CSMD1: variants seen among roughly 807,000 people sequenced by gnomAD.
The protein encoded by CSMD1 is CUB and sushi domain-containing protein 1.
A neutral mutation model predicts 417.5 loss-of-function variants in CSMD1; 213 were observed. The ratio of observed to expected loss-of-function variants is 0.51; its 90% CI spans 0.46 to 0.57. CSMD1 has a LOEUF of 0.57. CSMD1 is among the 20% of genes least tolerant of loss of function. CSMD1 has a pLI of 0.00. For synonymous variants in CSMD1, 2,862 were observed against 1,736.8 expected (o/e 1.65, Z -16.11); for missense variants, 6,923 against 4,529.7 (o/e 1.53, Z -15.17).
chr8:4,252,831 G>A (rs1256492877), intron 3 of CSMD1, among the ~76,000 whole-genome samples: 2 of 152,200 alleles, frequency 1.3e-5, no homozygotes, highest in African/African-American at 4.8e-5. Flanking sequence ...CACCAGTGAT[G>A]ACTGGAGTTG....
chr8:4,443,096 T>C (rs1440790384), intron 2 of CSMD1, among the ~76,000 whole-genome samples: 1 of 152,196 alleles, frequency 6.6e-6, no homozygotes, highest in African/African-American at 2.4e-5. Flanking sequence ...CTTTACTTTC[T>C]GAATATAAAA....
chr8:3,905,682 T>C (rs1030959011), intron 5 of CSMD1, among the ~76,000 whole-genome samples: 1 of 152,210 alleles, frequency 6.6e-6, no homozygotes, highest in Admixed American at 6.5e-5. Context: ...AACCACTCTT[T>C]GAGAACCACA....
At chr8:3,548,697 C>G (rs1163507092) in intron 10 of CSMD1, among the ~76,000 whole-genome samples, 3 of 150,456 alleles carry the variant, frequency 2.0e-5, no homozygotes, top group African/African-American at 7.3e-5. Flanking sequence ...CACACACACA[C>G]ACACCATGGT....
intron 3 of CSMD1, among the ~76,000 whole-genome samples, chr8:4,152,110 C>G (rs181105305): frequency 1.3e-5 from 2 of 151,974 alleles, no homozygotes; most frequent in Admixed American, 6.6e-5. Flanking sequence ...GGGTAATATA[C>G]AGGAAATTGT....
intron 42 of CSMD1, among the ~76,000 whole-genome samples, chr8:3,114,676 G>A (rs1816747342): frequency 6.6e-6 from 1 of 151,924 alleles, no homozygotes; most frequent in East Asian, 1.9e-4. Context: ...GTGAATGCAG[G>A]TAAGAAAAAT....
In CSMD1 at chr8:3,427,275, G is replaced by T. The variant is rs17066097; in HGVS notation, c.1562-17670C>A. Among the ~76,000 whole-genome samples, 4 of 152,136 alleles carry T rather than the reference G, an allele frequency of 2.6e-5. No individual in the cohort carries two copies. The South Asian group carries it at 8.3e-4, about 32-fold the overall frequency. ...ATTTTCAAGGCCAGCCTACTTCATC[G>T]CAAACCACAAAATGACACAAATAAA... On this transcript the variant is annotated intron_variant, in intron 12 of 69. Transcript: ENST00000635120.
intron 1 of CSMD1, among the ~76,000 whole-genome samples, chr8:4,760,742 G>A (rs938057174): frequency 6.6e-6 from 1 of 152,046 alleles, no homozygotes; most frequent in Non-Finnish European, 1.5e-5. Context: ...TAAGTTTGGG[G>A]AAAGTATTTT....
At chr8:3,045,716 T>C (rs1811391922) in intron 50 of CSMD1, among the ~76,000 whole-genome samples, 1 of 152,138 alleles carries the variant, frequency 6.6e-6, no homozygotes, top group Admixed American at 6.5e-5. Flanking sequence ...CTAGAAGCAA[T>C]ATATCCTAGA....
At chr8:3,715,422 C>T (rs1366592992) in intron 6 of CSMD1, among the ~76,000 whole-genome samples, 4 of 151,932 alleles carry the variant, frequency 2.6e-5, no homozygotes, top group African/African-American at 9.7e-5. Context: ...AATGTGGTTC[C>T]GTCATTTTTC....
intron 3 of CSMD1, among the ~76,000 whole-genome samples, chr8:4,060,827 G>C (rs969053145): frequency 1.1e-4 from 16 of 152,116 alleles, no homozygotes; most frequent in Non-Finnish European, 1.9e-4. Context: ...ACTAAAATCA[G>C]AAATGCATTA....
chr8:4,129,929 T>A (rs903107938), intron 3 of CSMD1, among the ~76,000 whole-genome samples: 62 of 152,324 alleles, frequency 4.1e-4, no homozygotes, highest in African/African-American at 1.4e-3. Context: ...TTAACAATTA[T>A]ATATTTAAGT....
At chr8:4,677,982 G>A (rs1008303970) in intron 1 of CSMD1, among the ~76,000 whole-genome samples, 1 of 152,130 alleles carries the variant, frequency 6.6e-6, no homozygotes, top group African/African-American at 2.4e-5. Flanking sequence ...GCCTTCCATG[G>A]TTTGATGTCA....
At chr8:4,291,906 C>G (rs1258159598) in intron 3 of CSMD1, among the ~76,000 whole-genome samples, 4 of 152,098 alleles carry the variant, frequency 2.6e-5, no homozygotes, top group African/African-American at 9.7e-5. Context: ...TCACATCAAG[C>G]AGGAACAGAA....
chr8:3,560,834 A>G (rs953889681), intron 10 of CSMD1, among the ~76,000 whole-genome samples: 1 of 152,174 alleles, frequency 6.6e-6, no homozygotes, highest in Non-Finnish European at 1.5e-5. Context: ...CTGTAACACA[A>G]TGGCTTAGGG....
At chr8:4,068,150 T>G (rs142633825) in intron 3 of CSMD1, among the ~76,000 whole-genome samples, 44 of 152,218 alleles carry the variant, frequency 2.9e-4, no homozygotes, top group African/African-American at 9.9e-4. Context: ...GAAGGGTCTA[T>G]AGAGAGTCAT....
At chr8:3,543,799 G>A (rs1255101356) in intron 10 of CSMD1, among the ~76,000 whole-genome samples, 1 of 152,166 alleles carries the variant, frequency 6.6e-6, no homozygotes, top group African/African-American at 2.4e-5. Context: ...TGCAGTCTGA[G>A]TTCAGAGTCT....
At chr8:3,399,671 A>T in intron 15 of CSMD1, 142 bp from the exon 16 acceptor site, 1 of 617,782 alleles carries the variant, frequency 1.6e-6, no homozygotes, top group Non-Finnish European at 2.6e-6. Flanking sequence ...ATTCCCAAGG[A>T]AACTGTACAT....
chr8:4,467,416 G>C (rs975343032), intron 2 of CSMD1, among the ~76,000 whole-genome samples: 2 of 151,462 alleles, frequency 1.3e-5, no homozygotes, highest in African/African-American at 4.9e-5. Flanking sequence ...CTCTTTTTCC[G>C]TCTTAGACTA....
chr8:2,960,642 T>C (rs547040804), intron 62 of CSMD1, among the ~76,000 whole-genome samples: 1 of 152,286 alleles, frequency 6.6e-6, no homozygotes, highest in South Asian at 2.1e-4. Context: ...CATAGAAATT[T>C]AAAGATCATA....
Sources: gnomAD v4.1 joint callset for allele counts (sites outside exome capture counted in the v4.1 genomes callset) on GRCh38, gnomAD v4.1.1 for gene constraint, MANE v1.5 for transcripts, NCBI Gene and HGNC (gene_info 2026-07-23, HGNC 2026-07-21) for gene names.